The following ZNF33B variants were observed in gnomAD, a reference collection of about 807,000 sequenced individuals.
ZNF33B encodes the protein zinc finger protein 11b (KOX 2).
In ZNF33B, 29 loss-of-function variants were observed where a neutral mutation model predicts 45.8. That is an observed-to-expected ratio of 0.63 (90% CI 0.47 to 0.86). ZNF33B has a LOEUF of 0.86. Among genes scored for constraint, ZNF33B ranks in the 40% least tolerant of loss-of-function variants. The pLI is 0.00. For synonymous variants in ZNF33B, 305 were observed against 307.8 expected (o/e 0.99, Z 0.10); for missense variants, 831 against 909.9 (o/e 0.91, Z 1.12).
chr10:42,631,079 C>T (rs937798840), intron 4 of ZNF33B, among the ~76,000 whole-genome samples: 4 of 152,212 alleles, frequency 2.6e-5, no homozygotes, highest in Non-Finnish European at 4.4e-5. Flanking sequence ...TTTCCCCTGA[C>T]TGTTCCTTAA....
chr10:42,612,329 A>C (rs1377450095), intron 4 of ZNF33B, among the ~76,000 whole-genome samples: 2 of 143,744 alleles, frequency 1.4e-5, no homozygotes, highest in Non-Finnish European at 1.5e-5. Context: ...TCTGCGTTCC[A>C]GGTTCTAAGC....
intron 1 of ZNF33B, among the ~76,000 whole-genome samples, chr10:42,579,321 T>C (rs780220691): frequency 3.3e-5 from 5 of 152,180 alleles, no homozygotes; most frequent in African/African-American, 9.7e-5. Context: ...GTAGTGAGCA[T>C]AGAGCGCAAC....
intron 2 of ZNF33B, among the ~76,000 whole-genome samples, chr10:42,633,970 CA>C (rs35796832): frequency 0.92 from 130,397 of 141,670 alleles, 59,862 homozygotes; most frequent in South Asian, 0.99. Context: ...AACTCCATCT[CA>C]AAAAAAAAAA....
chr10:42,585,887 A>T (rs1836924710), downstream of ZNF33B, among the ~76,000 whole-genome samples: 1 of 152,196 alleles, frequency 6.6e-6, no homozygotes, highest in Non-Finnish European at 1.5e-5. Flanking sequence ...CCTTAAAACT[A>T]TCCTTAAAAA....
chr10:42,636,684 G>A, intron 2 of ZNF33B: 1 of 548,542 alleles, frequency 1.8e-6, no homozygotes, highest in Non-Finnish European at 3.2e-6. Flanking sequence ...GCCAGGCGTG[G>A]CGGCCTGCGC....
intron 1 of ZNF33B, among the ~76,000 whole-genome samples, chr10:42,583,613 C>T: frequency 6.6e-6 from 1 of 152,114 alleles, no homozygotes; most frequent in East Asian, 1.9e-4. Flanking sequence ...GACCTTGCCC[C>T]TCAACTAACC....
Position 42,635,119 on chromosome 10 carries a change from T to C in ZNF33B, c.9+1801A>G, listed in dbSNP as rs536544759. Among the ~76,000 whole-genome samples, 21 of 151,932 alleles carry C rather than the reference T, an allele frequency of 1.4e-4. No individual in the cohort carries two copies. In the South Asian group the frequency reaches 4.4e-3, roughly 32 times the overall value. ...AGCCAGGTGTGATGGCATGTGCCTGTAATTTCAGCTACTGGGGAGGCTTAG... is the reference window on the plus strand; with the variant it reads ...AGCCAGGTGTGATGGCATGTGCCTGCAATTTCAGCTACTGGGGAGGCTTAG... On this transcript the variant is annotated intron_variant, in intron 2 of 4. Transcript: ENST00000359467.
At chr10:42,638,244 C>T (rs1360024222) in intron 1 of ZNF33B, among the ~76,000 whole-genome samples, 2 of 152,270 alleles carry the variant, frequency 1.3e-5, no homozygotes, top group South Asian at 2.1e-4. Context: ...CCCTCCTCCG[C>T]GGCCCCTACA....
At chr10:42,607,490 T>A (rs1837911532) in intron 4 of ZNF33B, among the ~76,000 whole-genome samples, 1 of 152,114 alleles carries the variant, frequency 6.6e-6, no homozygotes, top group Non-Finnish European at 1.5e-5. Context: ...ATGTGATATG[T>A]CTGGGTAACA....
rs112541650 is a variant in ZNF33B, at chr10:42,635,808, C to A, written c.9+1112G>T. Among the ~76,000 whole-genome samples the A allele has an allele frequency of 2.0e-3, 220 of 111,824 alleles. 1 individual carries two copies. The highest frequency in any genetic ancestry group is 6.6e-3 in the African/African-American group (160 of 24,064). 73.4% of individuals were successfully genotyped at this position (111,824 alleles called of 152,430 possible). On this transcript the variant is annotated intron_variant, in intron 2 of 4. Coordinates refer to ENST00000359467, the MANE Select transcript of ZNF33B (RefSeq NM_006955.3). ...CTGGCGACAGAGCAAGACTCTGTAT[C>A]CAAAAAAAAAAAAAAAAATTAAAAT... is the stretch of plus-strand genomic sequence containing the variant.
At chr10:42,611,832 A>AATAT (rs1838108420) in intron 4 of ZNF33B, among the ~76,000 whole-genome samples, 1 of 152,212 alleles carries the variant, frequency 6.6e-6, no homozygotes, top group African/African-American at 2.4e-5. Context: ...CTTGGCTATA[A>AATAT]AGACTTAACA....
intron 4 of ZNF33B, among the ~76,000 whole-genome samples, chr10:42,625,272 T>G (rs1363144976): frequency 1.3e-5 from 2 of 152,108 alleles, no homozygotes; most frequent in East Asian, 3.9e-4. Flanking sequence ...AATTTTGTAA[T>G]TTTCAGCACA....
chr10:42,612,134 G>A (rs926534334), intron 4 of ZNF33B, among the ~76,000 whole-genome samples: 15 of 151,458 alleles, frequency 9.9e-5, no homozygotes, highest in African/African-American at 2.9e-4. Flanking sequence ...CTAGTTTGCT[G>A]AGTTTTATCA....
In ZNF33B at chr10:42,636,916, T is replaced by G. The variant is rs750724045; in HGVS notation, c.9+4A>C. 6.2e-7 allele frequency: 1 copy of G among 1,614,164 alleles called. No individual in the cohort carries two copies. Among genetic ancestry groups the G allele is most frequent in the Non-Finnish European group, 8.5e-7 (1 of 1,180,014 alleles). ...ATAAAGTAGGGAATTAATAAACAAC[T>G]TACCTTGTTCATTTTGTTCTGTTCT... On this transcript the variant is annotated splice_donor_region_variant and intron_variant, in intron 2 of 4. Coordinates refer to ENST00000359467, the MANE Select transcript of ZNF33B (RefSeq NM_006955.3).
At chr10:42,576,804 T>C (rs1178945740) in intron 1 of ZNF33B, among the ~76,000 whole-genome samples, 2 of 152,136 alleles carry the variant, frequency 1.3e-5, no homozygotes, top group African/African-American at 4.8e-5. Flanking sequence ...GAGTAATCTC[T>C]TGCAGAGAGA....
In ZNF33B at chr10:42,575,041, G is replaced by T. The variant is rs11239683; in HGVS notation, c.74-363C>A. On this transcript the variant is annotated intron_variant, in intron 1 of 1. Coordinates refer to the ZNF33B transcript ENST00000462075. ...ATGTCTCCCATAATGTACATTTTCAGATTTTTATCTCTAAATTTCACTGGT... is the reference window on the plus strand; with the variant it reads ...ATGTCTCCCATAATGTACATTTTCATATTTTTATCTCTAAATTTCACTGGT... Among the ~76,000 whole-genome samples the T allele has an allele frequency of 5.2e-3, 787 of 152,214 alleles. 24 individuals are homozygous for T. In the South Asian group the frequency reaches 0.07, roughly 13 times the overall value.
At chr10:42,615,009 C>G (rs1472983952) in intron 4 of ZNF33B, among the ~76,000 whole-genome samples, 1 of 150,946 alleles carries the variant, frequency 6.6e-6, no homozygotes, top group African/African-American at 2.4e-5. Context: ...TGCAAAAAAC[C>G]ACAATGAGAT....
At chr10:42,579,424 C>T (rs1388828649) in intron 1 of ZNF33B, among the ~76,000 whole-genome samples, 3 of 152,100 alleles carry the variant, frequency 2.0e-5, no homozygotes, top group African/African-American at 7.2e-5. Flanking sequence ...ATTCAATGTC[C>T]CCTTTTGCAA....
chr10:42,583,015 G>A (rs1349427747), intron 1 of ZNF33B: 2 of 749,096 alleles, frequency 2.7e-6, no homozygotes, highest in East Asian at 2.5e-5. Context: ...AGAAGGGAAG[G>A]CCATTGATCT....
Sources: gnomAD v4.1 joint callset for allele counts (sites outside exome capture counted in the v4.1 genomes callset) on GRCh38, gnomAD v4.1.1 for gene constraint, MANE v1.5 for transcripts, NCBI Gene and HGNC (gene_info 2026-07-23, HGNC 2026-07-21) for gene names.